The following SMYD3 variants were observed in gnomAD, a reference collection of about 807,000 sequenced individuals.
SMYD3 encodes histone-lysine N-methyltransferase SMYD3.
In SMYD3, 36 loss-of-function variants were observed where a neutral mutation model predicts 57.7. The observed-to-expected ratio is 0.62, with a 90% CI of 0.48 to 0.82. The LOEUF (loss-of-function observed/expected upper bound fraction) is 0.82. Among genes scored for constraint, SMYD3 ranks in the 40% least tolerant of loss-of-function variants. SMYD3 has a pLI of 0.00. For synonymous variants in SMYD3, 211 were observed against 195.0 expected, an observed-to-expected ratio of 1.08 and a Z score of -0.68; for missense variants, 515 against 538.8, an observed-to-expected ratio of 0.96 and a Z score of 0.44.
intron 5 of SMYD3, among the ~76,000 whole-genome samples, chr1:246,294,655 G>T (rs1236569232): frequency 6.6e-6 from 1 of 151,876 alleles, no homozygotes; most frequent in Non-Finnish European, 1.5e-5. Flanking sequence ...TTGGCGTGCA[G>T]TGGTGCAATC....
At chr1:246,226,623 T>C (rs555363095) in intron 5 of SMYD3, among the ~76,000 whole-genome samples, 15 of 152,328 alleles carry the variant, frequency 9.8e-5, no homozygotes, top group South Asian at 2.1e-4. Flanking sequence ...TCACACACAT[T>C]TGATGCGTCC....
At chr1:246,480,616 AC>A (rs2068087811) in intron 1 of SMYD3, among the ~76,000 whole-genome samples, 1 of 152,124 alleles carries the variant, frequency 6.6e-6, no homozygotes, top group South Asian at 2.1e-4. Context: ...GGTGGCTCTT[AC>A]GTCTGCTCCC....
chr1:246,188,513 C>G (rs1572180506), intron 5 of SMYD3, among the ~76,000 whole-genome samples: 1 of 152,286 alleles, frequency 6.6e-6, no homozygotes, highest in South Asian at 2.1e-4. Context: ...ACCATGACCA[C>G]TATTTCCAAA....
rs559088835 is a variant in SMYD3 at position 245,797,828 on chromosome 1, C to CAAAAAAAAAAAAA, written c.1077-33692_1077-33680dup. Among the ~76,000 whole-genome samples the CAAAAAAAAAAAAA allele has an allele frequency of 2.2e-3, 239 of 109,406 alleles. 4 individuals carry two copies. The highest frequency in any genetic ancestry group is 3.0e-3 in the South Asian group (9 of 2,972). The allele number at this position is 109,406 out of a possible 152,430, so 71.8% of individuals were successfully genotyped here. A position where few individuals can be genotyped will look rare whatever the true frequency, so the allele number is the denominator to read the frequency against. On this transcript the variant is annotated intron_variant, in intron 10 of 11. Transcript: ENST00000490107. ...TGTCCTCTCAATTGCTTCCGGGTTCCAAAAAAAAAAAAAAAAAAAAGGTGG... is the reference window on the plus strand; with the variant it reads ...TGTCCTCTCAATTGCTTCCGGGTTCCAAAAAAAAAAAAAAAAAAAAAAAAAAAAAAAAAGGTGG...
intron 1 of SMYD3, among the ~76,000 whole-genome samples, chr1:246,459,198 G>C (rs1467252245): frequency 6.6e-6 from 1 of 150,680 alleles, no homozygotes; most frequent in African/African-American, 2.4e-5. Flanking sequence ...GTTCTCGCGA[G>C]ATCTTGTTAT....
intron 5 of SMYD3, among the ~76,000 whole-genome samples, chr1:246,192,583 T>C (rs2062756043): frequency 6.6e-6 from 1 of 152,228 alleles, no homozygotes; most frequent in African/African-American, 2.4e-5. Flanking sequence ...AAGCCAAGAT[T>C]CGCAGTTAAT....
intron 9 of SMYD3, among the ~76,000 whole-genome samples, chr1:245,860,991 G>T (rs1362108209): frequency 6.6e-6 from 1 of 152,220 alleles, no homozygotes; most frequent in Non-Finnish European, 1.5e-5. Flanking sequence ...GGCCTTAGAA[G>T]TAGAAGCCAG....
At chr1:245,763,995 A>G (rs769114002) in intron 11 of SMYD3, 46 bp downstream of exon 11, 46 of 1,472,122 alleles carry the variant, frequency 3.1e-5, no homozygotes, top group Non-Finnish European at 6.7e-6. Flanking sequence ...CAACAGCAGA[A>G]AAAAAGGATG....
intron 10 of SMYD3, among the ~76,000 whole-genome samples, chr1:245,801,030 C>G (rs2047834498): frequency 6.6e-6 from 1 of 152,130 alleles, no homozygotes; most frequent in African/African-American, 2.4e-5. Context: ...TGAAACAGCC[C>G]TCTAGATACT....
intron 1 of SMYD3, among the ~76,000 whole-genome samples, chr1:246,366,182 T>C (rs1454175672): frequency 2.6e-5 from 4 of 152,220 alleles, no homozygotes; most frequent in Admixed American, 1.3e-4. Flanking sequence ...ATAATAAATG[T>C]TGACACAGAA....
intron 5 of SMYD3, among the ~76,000 whole-genome samples, chr1:246,019,499 T>G (rs945114940): frequency 6.6e-6 from 1 of 152,214 alleles, no homozygotes. Context: ...TCATAGAACC[T>G]TATAGAATCC....
intron 8 of SMYD3, among the ~76,000 whole-genome samples, chr1:245,892,739 G>A (rs2053472088): frequency 6.6e-6 from 1 of 152,130 alleles, no homozygotes; most frequent in Non-Finnish European, 1.5e-5. Flanking sequence ...ACTGAAAATG[G>A]ATCAAATTCC....
At chr1:246,138,580 C>T (rs528769838) in intron 5 of SMYD3, among the ~76,000 whole-genome samples, 11 of 110,586 alleles carry the variant, frequency 9.9e-5, no homozygotes, top group African/African-American at 2.6e-4. Context: ...CTCCCGCCAC[C>T]ACGCCCGGCT....
chr1:245,988,708 A>G (rs769834290), intron 5 of SMYD3: 9 of 152,334 alleles, frequency 5.9e-5, no homozygotes, highest in Admixed American at 1.3e-4. Flanking sequence ...AGCCATAGGC[A>G]GGGACCAGAG....
At chr1:245,749,719 A>T in intron 11 of SMYD3, 55 bp from the exon 12 acceptor site, 1 of 1,401,946 alleles carries the variant, frequency 7.1e-7, no homozygotes, top group Non-Finnish European at 1.0e-6. Flanking sequence ...AGCTCAGGCC[A>T]TTCCCCACCT....
At chr1:245,764,196 C>T (rs368852527) in intron 10 of SMYD3, 47 bp from the exon 11 acceptor site, 123 of 1,310,094 alleles carry the variant, frequency 9.4e-5, no homozygotes, top group Non-Finnish European at 1.2e-4. Context: ...CTCACCTTTG[C>T]AGTCAGCATT....
intron 5 of SMYD3, among the ~76,000 whole-genome samples, chr1:246,260,504 G>T (rs1451184247): frequency 1.3e-5 from 2 of 151,994 alleles, no homozygotes; most frequent in Non-Finnish European, 2.9e-5. Flanking sequence ...AGGCTGGAGT[G>T]CAATGGCCCG....
At chr1:246,301,195 A>G (rs1454907897) in intron 5 of SMYD3, among the ~76,000 whole-genome samples, 1 of 152,198 alleles carries the variant, frequency 6.6e-6, no homozygotes, top group East Asian at 1.9e-4. Flanking sequence ...AGTCTAATGA[A>G]CAAATAAAAT....
At chr1:246,029,926 C>A (rs1219422104) in intron 5 of SMYD3, among the ~76,000 whole-genome samples, 1 of 151,280 alleles carries the variant, frequency 6.6e-6, no homozygotes, top group Non-Finnish European at 1.5e-5. Flanking sequence ...TAGAAAAGAG[C>A]ACAGCATTTC....
Sources: gnomAD v4.1 joint callset for allele counts (sites outside exome capture counted in the v4.1 genomes callset) on GRCh38, gnomAD v4.1.1 for gene constraint, MANE v1.5 for transcripts, NCBI Gene and HGNC (gene_info 2026-07-23, HGNC 2026-07-21) for gene names.